Variants in CADM2 observed in about 807,000 individuals in gnomAD.
CADM2 encodes the protein immunoglobulin superfamily member 4D.
A neutral mutation model predicts 49.8 loss-of-function variants in CADM2; 12 were observed. The observed-to-expected ratio is 0.24, with a 90% CI of 0.15 to 0.39. The LOEUF (loss-of-function observed/expected upper bound fraction) is 0.39. Among genes scored for constraint, CADM2 ranks in the 10% least tolerant of loss-of-function variants. The pLI, the probability that CADM2 is intolerant of heterozygous loss-of-function variation, is 1.00. For synonymous variants in CADM2, 214 were observed against 175.4 expected (o/e 1.22, Z -1.74); for missense variants, 378 against 492.3 (o/e 0.77, Z 2.20).
intron 1 of CADM2, among the ~76,000 whole-genome samples, chr3:85,323,301 G>A (rs2044663888): frequency 6.6e-6 from 1 of 152,040 alleles, no homozygotes. Flanking sequence ...GGACCTATTT[G>A]GTAGCATTTA....
At chr3:85,744,167 G>C (rs935347030) in intron 2 of CADM2, among the ~76,000 whole-genome samples, 4 of 152,072 alleles carry the variant, frequency 2.6e-5, no homozygotes, top group African/African-American at 9.7e-5. Flanking sequence ...TGGAGTAATG[G>C]AACTCATGGA....
chr3:85,413,290 A>C (rs1438666256), intron 1 of CADM2, among the ~76,000 whole-genome samples: 1 of 151,860 alleles, frequency 6.6e-6, no homozygotes, highest in East Asian at 1.9e-4. Flanking sequence ...ACACATTCAG[A>C]AACAAACATA....
At chr3:85,336,417 G>T (rs2045080001) in intron 1 of CADM2, among the ~76,000 whole-genome samples, 1 of 151,480 alleles carries the variant, frequency 6.6e-6, no homozygotes, top group Non-Finnish European at 1.5e-5. Flanking sequence ...AGTTATTTGT[G>T]TAATAATTTA....
chr3:85,741,501 C>G (rs1351526955), intron 2 of CADM2, among the ~76,000 whole-genome samples: 2 of 152,190 alleles, frequency 1.3e-5, no homozygotes, highest in East Asian at 1.9e-4. Flanking sequence ...AACCCCGTCT[C>G]TACTAAAAAT....
chr3:85,515,631 A>ATTTTT lies in CADM2; in HGVS notation c.62-210883_62-210879dup, dbSNP rs1553734357. On this transcript the variant is annotated intron_variant, in intron 1 of 9. Transcript: ENST00000383699. ...CACTAATATATATATATATATATAT[A>ATTTTT]TTTTTTTTTTTTGTATCTTTAGTAG... Among the ~76,000 whole-genome samples the ATTTTT allele has an allele frequency of 1.2e-3, 138 of 118,408 alleles. 1 individual carries two copies. The highest frequency in any genetic ancestry group is 4.4e-3 in the African/African-American group (130 of 29,652). 77.7% of individuals were successfully genotyped at this position (118,408 alleles called of 152,430 possible).
chr3:85,592,955 A>G (rs542849032), intron 1 of CADM2, among the ~76,000 whole-genome samples: 14 of 151,542 alleles, frequency 9.2e-5, no homozygotes, highest in Non-Finnish European at 1.9e-4. Context: ...ACATGTGTTT[A>G]GTTTTCTCTT....
chr3:86,001,318 G>A (rs895307824), intron 8 of CADM2, among the ~76,000 whole-genome samples: 3 of 152,128 alleles, frequency 2.0e-5, no homozygotes, highest in Non-Finnish European at 4.4e-5. Flanking sequence ...TCAAATAGTA[G>A]TACATATAAT....
chr3:85,547,172 A>AG (rs778542751), intron 1 of CADM2, among the ~76,000 whole-genome samples: 2 of 152,080 alleles, frequency 1.3e-5, no homozygotes, highest in Non-Finnish European at 2.9e-5. Context: ...TTCATTTGAA[A>AG]ACTGCATTTT....
rs918136430 is a variant in CADM2, at chr3:85,973,188, C to T, written c.970+11541C>T. Among the ~76,000 whole-genome samples, 3 of 151,622 alleles carry T rather than the reference C, an allele frequency of 2.0e-5. No individual in the cohort carries two copies. The Admixed American group carries it at 2.0e-4, about 10-fold the overall frequency. ...GCCTATCTACTGGTATCATTATCAT[C>T]AGGAGTGATGTTATTGATAAAGCAC... On this transcript the variant is annotated intron_variant, in intron 8 of 9. Coordinates refer to ENST00000383699, the MANE Select transcript of CADM2 (RefSeq NM_001167675.2).
intron 1 of CADM2, among the ~76,000 whole-genome samples, chr3:85,130,543 A>G (rs181302920): frequency 6.6e-6 from 1 of 152,342 alleles, no homozygotes; most frequent in Non-Finnish European, 1.5e-5. Flanking sequence ...CAGATACAGC[A>G]TAGTGATTAA....
intron 1 of CADM2, among the ~76,000 whole-genome samples, chr3:85,526,446 T>C (rs2061160679): frequency 6.6e-6 from 1 of 152,130 alleles, no homozygotes; most frequent in South Asian, 2.1e-4. Flanking sequence ...TACTAGGAAT[T>C]ATGGAAGTAG....
chr3:85,459,970 A>G (rs2038166286), intron 1 of CADM2, among the ~76,000 whole-genome samples: 1 of 152,162 alleles, frequency 6.6e-6, no homozygotes, highest in Non-Finnish European at 1.5e-5. Flanking sequence ...AGATTAACAT[A>G]TTTTAAAGAG....
At chr3:85,064,043 C>T (rs2036432076) in intron 1 of CADM2, among the ~76,000 whole-genome samples, 1 of 152,030 alleles carries the variant, frequency 6.6e-6, no homozygotes, top group South Asian at 2.1e-4. Context: ...TGAAGGAAAA[C>T]CGATTCCTTT....
chr3:85,282,851 T>TA (rs1299899867), intron 1 of CADM2, among the ~76,000 whole-genome samples: 2 of 151,994 alleles, frequency 1.3e-5, no homozygotes, highest in Non-Finnish European at 2.9e-5. Context: ...GTGACTATAC[T>TA]AAAAAAGAAT....
intron 8 of CADM2, among the ~76,000 whole-genome samples, chr3:86,038,443 C>T (rs897904324): frequency 7.2e-5 from 11 of 152,282 alleles, no homozygotes; most frequent in African/African-American, 2.4e-4. Context: ...GCTACCTTAA[C>T]CTGGCTTTTT....
intron 1 of CADM2, among the ~76,000 whole-genome samples, chr3:85,530,640 A>G (rs186225909): frequency 6.6e-6 from 1 of 151,994 alleles, no homozygotes; most frequent in East Asian, 1.9e-4. Flanking sequence ...ACTTTTCTAT[A>G]TAAATTACCC....
At chr3:85,513,561 A>C (rs917168488) in intron 1 of CADM2, among the ~76,000 whole-genome samples, 1 of 152,034 alleles carries the variant, frequency 6.6e-6, no homozygotes, top group Non-Finnish European at 1.5e-5. Flanking sequence ...AAACCAAAGA[A>C]ATAAAAACCT....
At chr3:85,376,370 G>A (rs577377131) in intron 1 of CADM2, among the ~76,000 whole-genome samples, 2 of 152,096 alleles carry the variant, frequency 1.3e-5, no homozygotes, top group South Asian at 4.1e-4. Flanking sequence ...TTAACTAATA[G>A]GTTGATTAAT....
intron 1 of CADM2, among the ~76,000 whole-genome samples, chr3:85,168,353 CCCCTTAA>C (rs2040527531): frequency 6.6e-6 from 1 of 152,100 alleles, no homozygotes; most frequent in Non-Finnish European, 1.5e-5. Flanking sequence ...CCATGCCCGG[CCCCTTAA>C]CCGTAAACTT....
Sources: gnomAD v4.1 joint callset for allele counts (sites outside exome capture counted in the v4.1 genomes callset) on GRCh38, gnomAD v4.1.1 for gene constraint, MANE v1.5 for transcripts, NCBI Gene and HGNC (gene_info 2026-07-23, HGNC 2026-07-21) for gene names.